MCU: variants seen among roughly 807,000 people sequenced by gnomAD.
MCU encodes mitochondrial calcium uniporter.
Under a neutral mutation model 45.2 loss-of-function variants are expected in MCU, and 12 were observed. The ratio of observed to expected loss-of-function variants is 0.27; its 90% CI spans 0.17 to 0.43. MCU has a LOEUF of 0.43. MCU is among the 20% of genes least tolerant of loss of function. The pLI is 1.00. For synonymous variants in MCU, 160 were observed against 165.1 expected (o/e 0.97, Z 0.24); for missense variants, 324 against 436.7 (o/e 0.74, Z 2.30).
At chr10:72,730,640 T>C (rs1843160897) in intron 1 of MCU, 1 of 152,180 alleles carries the variant, frequency 6.6e-6, no homozygotes, top group African/African-American at 2.4e-5. Flanking sequence ...GATGTTTTGC[T>C]AAGAAAGCTT....
chr10:72,699,138 T>C (rs1842724940), intron 1 of MCU, among the ~76,000 whole-genome samples: 1 of 152,234 alleles, frequency 6.6e-6, no homozygotes, highest in African/African-American at 2.4e-5. Flanking sequence ...CCATGGCTCA[T>C]GGATATATTA....
intron 1 of MCU, among the ~76,000 whole-genome samples, chr10:72,824,293 T>C (rs1044567473): frequency 6.6e-6 from 1 of 151,160 alleles, no homozygotes; most frequent in African/African-American, 2.4e-5. Context: ...ACCTCCCAGG[T>C]TCAAGCGATT....
intron 1 of MCU, among the ~76,000 whole-genome samples, chr10:72,806,858 A>G (rs1844460214): frequency 6.6e-6 from 1 of 152,218 alleles, no homozygotes; most frequent in Non-Finnish European, 1.5e-5. Context: ...GAGAAACGAA[A>G]TTATGCAAGG....
intron 7 of MCU, 84 bp from the exon 8 acceptor site, chr10:72,885,661 G>A (rs1390831884): frequency 1.2e-5 from 10 of 855,158 alleles, no homozygotes; most frequent in Admixed American, 2.0e-5. Context: ...TATAGTAATG[G>A]AGAACAGTTT....
rs183184060 is a variant in MCU, at chr10:72,881,058, A to T, written c.862-3208A>T. ...GGTAGGAGGATTGCTTGAGCCCAGG[A>T]TCTTGAGGCTGCATTGAGCTATGGT... On this transcript the variant is annotated intron_variant, in intron 6 of 7. Coordinates refer to ENST00000373053, the MANE Select transcript of MCU (RefSeq NM_138357.3). Among the ~76,000 whole-genome samples, 222 of 152,232 alleles carry T rather than the reference A, an allele frequency of 1.5e-3. 4 individuals are homozygous for T. The highest frequency in any genetic ancestry group is 0.012 in the Admixed American group (184 of 15,292).
At chr10:72,776,411 T>G (rs2132744688) in intron 1 of MCU, among the ~76,000 whole-genome samples, 1 of 152,244 alleles carries the variant, frequency 6.6e-6, no homozygotes, top group Non-Finnish European at 1.5e-5. Flanking sequence ...AGAGAATGAT[T>G]CAACACATGC....
chr10:72,856,085 A>G (rs1335520953), intron 2 of MCU, among the ~76,000 whole-genome samples: 2 of 152,240 alleles, frequency 1.3e-5, no homozygotes, highest in African/African-American at 4.8e-5. Flanking sequence ...GAACTAGTTA[A>G]TTAATGAACT....
intron 1 of MCU, among the ~76,000 whole-genome samples, chr10:72,724,617 G>A (rs1843071991): frequency 6.6e-6 from 1 of 152,128 alleles, no homozygotes; most frequent in South Asian, 2.1e-4. Flanking sequence ...ATGAAAGTAG[G>A]GAACTACCTG....
At chr10:72,874,214 C>G (rs768237815) in intron 6 of MCU, among the ~76,000 whole-genome samples, 2 of 152,192 alleles carry the variant, frequency 1.3e-5, no homozygotes, top group East Asian at 3.9e-4. Context: ...CTTTATCAAC[C>G]GAGGCTCCTT....
chr10:72,790,352 CT>C (rs1051213479), intron 1 of MCU, among the ~76,000 whole-genome samples: 1 of 152,196 alleles, frequency 6.6e-6, no homozygotes, highest in African/African-American at 2.4e-5. Flanking sequence ...TGCCTTCCCT[CT>C]TCCTTCTTCC....
intron 2 of MCU, among the ~76,000 whole-genome samples, chr10:72,852,968 T>C (rs964986993): frequency 6.6e-6 from 1 of 152,230 alleles, no homozygotes; most frequent in Non-Finnish European, 1.5e-5. Flanking sequence ...ATCTTAGAAG[T>C]AGGGACAAAT....
intron 1 of MCU, among the ~76,000 whole-genome samples, chr10:72,713,637 A>T (rs940959984): frequency 9.9e-5 from 15 of 152,174 alleles, no homozygotes; most frequent in African/African-American, 3.6e-4. Flanking sequence ...AGATAGTGGT[A>T]TGTGAAAGGG....
chr10:72,845,038 C>G (rs1845100872), intron 2 of MCU, among the ~76,000 whole-genome samples: 1 of 151,948 alleles, frequency 6.6e-6, no homozygotes, highest in Non-Finnish European at 1.5e-5. Flanking sequence ...CATGTGGTAC[C>G]TAAGCACATA....
intron 4 of MCU, among the ~76,000 whole-genome samples, chr10:72,861,498 C>G (rs867009452): frequency 6.6e-6 from 1 of 151,656 alleles, no homozygotes; most frequent in African/African-American, 2.4e-5. Flanking sequence ...ATGACACTGG[C>G]TTACTGCAGC....
chr10:72,867,736 TC>T (rs1246454765), intron 4 of MCU, among the ~76,000 whole-genome samples: 2 of 151,536 alleles, frequency 1.3e-5, no homozygotes, highest in African/African-American at 4.9e-5. Flanking sequence ...GCGCCTGTAG[TC>T]CCAGCTACTT....
chr10:72,812,608 T>C (rs1012488182), intron 1 of MCU, among the ~76,000 whole-genome samples: 1 of 152,212 alleles, frequency 6.6e-6, no homozygotes, highest in Non-Finnish European at 1.5e-5. Flanking sequence ...GGATGGTCTC[T>C]AGTGAGTAAT....
intron 1 of MCU, among the ~76,000 whole-genome samples, chr10:72,716,744 C>T (rs1455721722): frequency 1.3e-5 from 2 of 151,738 alleles, no homozygotes; most frequent in African/African-American, 4.8e-5. Flanking sequence ...GTTGGGCATG[C>T]CCCTGTAGTT....
intron 1 of MCU, among the ~76,000 whole-genome samples, chr10:72,706,569 C>T (rs1182987948): frequency 4.0e-5 from 6 of 150,600 alleles, no homozygotes; most frequent in South Asian, 2.1e-4. Context: ...GACGGAGTCT[C>T]GCTCTGTCGC....
intron 5 of MCU, 91 bp from the exon 6 acceptor site, chr10:72,871,286 G>T (rs1198027100): frequency 1.8e-6 from 2 of 1,106,234 alleles, no homozygotes; most frequent in African/African-American, 3.1e-5. Context: ...TCTTGATGAT[G>T]AGCCCTGTTT....
Sources: gnomAD v4.1 joint callset for allele counts (sites outside exome capture counted in the v4.1 genomes callset) on GRCh38, gnomAD v4.1.1 for gene constraint, MANE v1.5 for transcripts, NCBI Gene and HGNC (gene_info 2026-07-23, HGNC 2026-07-21) for gene names.